Variants in PCDHGA1 observed in about 807,000 individuals in gnomAD.
PCDHGA1 encodes the protein protocadherin gamma subfamily A, 1, also known as protocadherin gamma-A1.
In PCDHGA1, 32 loss-of-function variants were observed where a neutral mutation model predicts 58.0. That is an observed-to-expected ratio of 0.55 (90% CI 0.42 to 0.74). The LOEUF is 0.74. Ranked by LOEUF, PCDHGA1 falls within the 30% of genes least tolerant of loss-of-function variation. The pLI, the probability that PCDHGA1 is intolerant of heterozygous loss-of-function variation, is 0.00. For missense variants in PCDHGA1, 1,205 were observed against 1,182.3 expected (o/e 1.02, Z -0.28); for synonymous variants, 498 against 501.1 (o/e 0.99, Z 0.08).
chr5:141,344,790 G>C (rs1271015462), intron 1 of PCDHGA1: 1 of 1,613,972 alleles, frequency 6.2e-7, no homozygotes, highest in African/African-American at 1.3e-5. Context: ...GAGTGTTTGG[G>C]AGAACGTGCC....
At chr5:141,371,459 T>C in intron 1 of PCDHGA1, 1 of 1,613,970 alleles carries the variant, frequency 6.2e-7, no homozygotes, top group Non-Finnish European at 8.5e-7. Context: ...AATCCCAACA[T>C]ATACAAGAAG....
chr5:141,374,406 T>C (rs748431130), intron 1 of PCDHGA1: 8 of 1,614,018 alleles, frequency 5.0e-6, no homozygotes, highest in Non-Finnish European at 6.8e-6. Context: ...AGTTTTAACA[T>C]CCTTGTCGAG....
chr5:141,470,262 A>C (rs924170384), intron 1 of PCDHGA1, among the ~76,000 whole-genome samples: 2 of 152,126 alleles, frequency 1.3e-5, no homozygotes, highest in African/African-American at 4.8e-5. Context: ...CTAAATGGAG[A>C]TACATGTTTG....
chr5:141,503,960 T>TTC (rs2099834474), intron 2 of PCDHGA1, among the ~76,000 whole-genome samples: 1 of 152,172 alleles, frequency 6.6e-6, no homozygotes, highest in Admixed American at 6.5e-5. Flanking sequence ...CCTACAGCCT[T>TTC]TCCCATGGTG....
At chr5:141,508,792 C>T (rs1198342551) in intron 3 of PCDHGA1, among the ~76,000 whole-genome samples, 3 of 152,130 alleles carry the variant, frequency 2.0e-5, no homozygotes, top group Admixed American at 6.5e-5. Flanking sequence ...CTAAATCACT[C>T]TGGAATCCTG....
intron 1 of PCDHGA1, chr5:141,378,978 T>C (rs999342982): frequency 3.3e-5 from 5 of 152,244 alleles, no homozygotes; most frequent in African/African-American, 1.2e-4. Flanking sequence ...TGATGACTTG[T>C]TGAACTACAT....
intron 1 of PCDHGA1, chr5:141,346,449 C>T (rs370215927): frequency 4.3e-6 from 7 of 1,614,134 alleles, no homozygotes; most frequent in Non-Finnish European, 5.9e-6. Flanking sequence ...AGATTCCAAC[C>T]TACTTCAGGT....
intron 1 of PCDHGA1, chr5:141,350,161 A>G: frequency 9.0e-7 from 1 of 1,109,726 alleles, no homozygotes; most frequent in South Asian, 2.6e-5. Flanking sequence ...TCGAGCGCCT[A>G]ACTAATAAGT....
At position 141,476,477 on chromosome 5, in the gene PCDHGA1, G is replaced by A; in HGVS notation, c.2422-18330G>A. 1.2e-6 allele frequency: 2 copies of A among 1,614,078 alleles called. No individual in the cohort carries two copies. Among genetic ancestry groups the A allele is most frequent in the South Asian group, 1.1e-5 (1 of 91,070 alleles). ...GGAGAACCCGCTGGAGCTGTTCAGC[G>A]TGGAAGTGGTGATCCAGGACATCAA... On this transcript the variant is annotated intron_variant, in intron 1 of 3. Transcript: ENST00000517417. This position sits in a 1 kb window ranked among gnomAD's most constrained non-coding sequence, Gnocchi z 7.6.
intron 1 of PCDHGA1, among the ~76,000 whole-genome samples, chr5:141,460,445 G>A (rs896549154): frequency 7.2e-5 from 11 of 152,144 alleles, no homozygotes; most frequent in Admixed American, 5.9e-4. Flanking sequence ...AGGTAACAAT[G>A]AAGATTCATA....
In PCDHGA1 at chr5:141,510,980, G is replaced by A; in HGVS notation, c.2603G>A (p.Gly868Asp). The change falls in exon 4 of 4, where the codon GGT becomes GAT. Residue 868 changes from glycine (G) to aspartate (D), a missense_variant. Transcript: ENST00000517417. ...AADGSSTLGGGAGTMGLSARY... is the reference protein window; with the variant it reads ...AADGSSTLGGDAGTMGLSARY... ...GATGGGAGCTCCACCCTGGGAGGGG[G>A]TGCCGGCACCATGGGATTGAGCGCC... 1 of 1,614,170 alleles carries A rather than the reference G, an allele frequency of 6.2e-7. No homozygotes were observed.
Position 141,459,075 on chromosome 5 carries a change from G to C in PCDHGA1, c.2422-35732G>C, listed in dbSNP as rs562572838. ...GTATAATTTATATAACATAAAATTT[G>C]CCTTTTAAAATTATACAGTGCAATG... On this transcript the variant is annotated intron_variant, in intron 1 of 3. Transcript: ENST00000517417. 4.6e-5 allele frequency among the ~76,000 whole-genome samples: 7 copies of C among 152,252 alleles called. No individual in the cohort carries two copies. The East Asian group carries it at 1.4e-3, about 29-fold the overall frequency.
chr5:141,430,337 C>G (rs531455580), intron 1 of PCDHGA1, among the ~76,000 whole-genome samples: 1 of 150,908 alleles, frequency 6.6e-6, no homozygotes, highest in East Asian at 2.0e-4. Context: ...TTTATAGAAA[C>G]TTCCAATTCA....
intron 1 of PCDHGA1, chr5:141,400,753 T>C: frequency 1.7e-6 from 1 of 597,232 alleles, no homozygotes; most frequent in Non-Finnish European, 2.9e-6. Flanking sequence ...CTTAGCTTCC[T>C]CTCTAGCAAA....
Position 141,331,925 on chromosome 5 carries a change from T to C in PCDHGA1, c.1241T>C (p.Leu414Pro). 6.2e-7 allele frequency: 1 copy of C among 1,614,130 alleles called. No homozygotes were observed. The highest frequency in any genetic ancestry group is 8.5e-7 in the Non-Finnish European group (1 of 1,180,022). Residue 414 changes from leucine (L) to proline (P), a missense_variant, in exon 1 of 4, where the codon CTT (leucine) becomes CCT (proline). Transcript: ENST00000517417. ...LVTERTLDRE[L>P]ISGYNITITA... ...ACTGAAAGAACACTGGACAGAGAAC[T>C]TATCTCTGGGTACAACATCACAATA...
At chr5:141,410,132 G>T (rs1278988827) in intron 1 of PCDHGA1, 1 of 1,612,754 alleles carries the variant, frequency 6.2e-7, no homozygotes, top group Non-Finnish European at 8.5e-7. Flanking sequence ...GCGCCTGCTG[G>T]TCGCTGTGCG....
In PCDHGA1 at chr5:141,330,784, T is replaced by A; in HGVS notation, c.100T>A (p.Ser34Thr). The change falls in exon 1 of 4, where the codon TCA (serine) becomes ACA (threonine). Residue 34 changes from serine (S) to threonine (T), a missense_variant. Physicochemically the swap from Ser to Thr is moderately conservative, Grantham distance 58. Transcript: ENST00000517417. Reference protein sequence around the residue: ...LEAGAGNIHYSVPEETDKGSF... With the variant: ...LEAGAGNIHYTVPEETDKGSF... ...AGCTGGGGCTGGGAATATTCACTAC[T>A]CAGTGCCGGAAGAGACAGACAAAGG... The A allele has an allele frequency of 6.2e-7, 1 of 1,614,192 alleles. No homozygotes were observed. Among genetic ancestry groups the A allele is most frequent in the Non-Finnish European group, 8.5e-7 (1 of 1,180,048 alleles).
At chr5:141,333,250 T>A in intron 1 of PCDHGA1, 145 bp downstream of exon 1, 6 of 1,191,242 alleles carry the variant, frequency 5.0e-6, no homozygotes, top group Non-Finnish European at 7.1e-6. Flanking sequence ...AAATCACGAT[T>A]GAGTCTACAC....
At chr5:141,469,104 C>G (rs1046234848) in intron 1 of PCDHGA1, among the ~76,000 whole-genome samples, 3 of 151,760 alleles carry the variant, frequency 2.0e-5, no homozygotes, top group Middle Eastern at 3.2e-3. Flanking sequence ...AAGCAAGAAC[C>G]TGTCTCTAAA....
Sources: gnomAD v4.1 joint callset for allele counts (sites outside exome capture counted in the v4.1 genomes callset) on GRCh38, gnomAD v4.1.1 for gene constraint, Gnocchi (gnomAD v3.1) non-coding constraint, MANE v1.5 for transcripts, NCBI Gene and HGNC (gene_info 2026-07-23, HGNC 2026-07-21) for gene names.